IPCEF1: variants seen among roughly 807,000 people sequenced by gnomAD.
IPCEF1 encodes the protein interactor protein for cytohesin exchange factors 1.
IPCEF1 carries 31 observed loss-of-function variants against 50.9 expected under a neutral mutation model. The ratio of observed to expected loss-of-function variants is 0.61; its 90% CI spans 0.46 to 0.82. The LOEUF (loss-of-function observed/expected upper bound fraction) is 0.82. Ranked by LOEUF, IPCEF1 falls within the 40% of genes least tolerant of loss-of-function variation. IPCEF1 has a pLI of 0.00. For synonymous variants in IPCEF1, 181 were observed against 192.0 expected, an observed-to-expected ratio of 0.94 and a Z score of 0.47; for missense variants, 458 against 514.0, an observed-to-expected ratio of 0.89 and a Z score of 1.05.
intron 2 of IPCEF1, among the ~76,000 whole-genome samples, chr6:154,285,831 C>CG (rs1332763462): frequency 6.6e-6 from 1 of 152,114 alleles, no homozygotes; most frequent in African/African-American, 2.4e-5. Flanking sequence ...AGACCTGGCC[C>CG]CACACGTTTC....
intron 10 of IPCEF1, among the ~76,000 whole-genome samples, chr6:154,171,734 G>T (rs1287740244): frequency 6.6e-6 from 1 of 152,216 alleles, no homozygotes; most frequent in African/African-American, 2.4e-5. Flanking sequence ...GGTCAAGCTG[G>T]AGACACTGGA....
chr6:154,207,848 A>G (rs749781508), intron 9 of IPCEF1, among the ~76,000 whole-genome samples: 1 of 152,250 alleles, frequency 6.6e-6, no homozygotes, highest in Non-Finnish European at 1.5e-5. Context: ...ATAAGCTTCT[A>G]GAAGCTGGAA....
chr6:154,188,340 T>C (rs1450115614), intron 10 of IPCEF1, among the ~76,000 whole-genome samples: 1 of 152,232 alleles, frequency 6.6e-6, no homozygotes, highest in African/African-American at 2.4e-5. Flanking sequence ...AAATTTATTA[T>C]AAGATGTAAG....
intron 3 of IPCEF1, among the ~76,000 whole-genome samples, chr6:154,261,038 C>T (rs191772625): frequency 1.2e-4 from 18 of 152,074 alleles, no homozygotes; most frequent in East Asian, 1.2e-3. Flanking sequence ...ATTCTAAAGG[C>T]GTGTGTGTGC....
rs1207202863 is a variant in IPCEF1 at position 154,300,056 on chromosome 6, G to T, written c.-61-10300C>A. Among the ~76,000 whole-genome samples, 4 of 140,874 alleles carry T rather than the reference G, an allele frequency of 2.8e-5. 1 individual carries two copies. Among genetic ancestry groups the T allele is most frequent in the Non-Finnish European group, 4.8e-5 (3 of 62,884 alleles). 92.4% of individuals were successfully genotyped at this position (140,874 alleles called of 152,430 possible). On this transcript the variant is annotated intron_variant, in intron 1 of 11. Coordinates refer to ENST00000367220, the MANE Select transcript of IPCEF1 (RefSeq NM_001130700.2). ...TCACCAGTCATTTTCCAAGCCCCAT[G>T]CATGGAGGAAGCATTTCTCCCATGA... is the stretch of plus-strand genomic sequence containing the variant.
intron 11 of IPCEF1, 115 bp downstream of exon 11, chr6:154,167,805 C>T (rs1164615797): frequency 4.0e-5 from 29 of 725,888 alleles, no homozygotes; most frequent in Non-Finnish European, 5.5e-5. Flanking sequence ...TTTACTTTTA[C>T]AGCCCTTCCC....
chr6:154,289,390 TC>T (rs144532955), intron 2 of IPCEF1, among the ~76,000 whole-genome samples: 26,414 of 150,556 alleles, frequency 0.18, 2,590 homozygotes, highest in African/African-American at 0.26. Context: ...TAAAATAGAC[TC>T]TTCACATAAT....
At chr6:154,175,400 A>G (rs1218062528) in intron 10 of IPCEF1, among the ~76,000 whole-genome samples, 1 of 145,400 alleles carries the variant, frequency 6.9e-6, no homozygotes, top group Non-Finnish European at 1.5e-5. Context: ...TTTTTTTTTG[A>G]AAAGATCAAC....
rs778728049 is a variant in IPCEF1, at chr6:154,168,319, G to A, written c.911-206C>T. Among the ~76,000 whole-genome samples, 12 of 152,138 alleles carry A rather than the reference G, an allele frequency of 7.9e-5. No homozygotes were observed. Among genetic ancestry groups the A allele is most frequent in the Non-Finnish European group, 1.8e-4 (12 of 68,018 alleles). ...CTGCAGAGCCACGTTCCCTGTGAAG[G>A]CACCAGGGAAGGAGTTATTCCAAGC... On this transcript the variant is annotated intron_variant, in intron 10 of 11. Transcript: ENST00000367220. The surrounding 1 kb of genome is among the most constrained non-coding windows in gnomAD (Gnocchi z 4.1).
intron 1 of IPCEF1, among the ~76,000 whole-genome samples, chr6:154,345,438 G>A (rs1006738469): frequency 1.3e-5 from 2 of 152,070 alleles, no homozygotes; most frequent in Non-Finnish European, 1.5e-5. Context: ...ATCACATGGC[G>A]ATCAGAGCCC....
intron 2 of IPCEF1, among the ~76,000 whole-genome samples, chr6:154,272,506 TAGCC>T (rs1474366442): frequency 6.6e-6 from 1 of 152,222 alleles, no homozygotes; most frequent in Non-Finnish European, 1.5e-5. Flanking sequence ...ACATGAAACA[TAGCC>T]AAACCAATGA....
chr6:154,291,601 A>G (rs966041044), intron 1 of IPCEF1, among the ~76,000 whole-genome samples: 2 of 149,274 alleles, frequency 1.3e-5, no homozygotes, highest in Non-Finnish European at 1.5e-5. Context: ...AAGATGGTTC[A>G]CCCCTATATA....
intron 2 of IPCEF1, among the ~76,000 whole-genome samples, chr6:154,275,757 T>C (rs1286656410): frequency 6.6e-6 from 1 of 151,950 alleles, no homozygotes; most frequent in Non-Finnish European, 1.5e-5. Context: ...ACTCTGCAAC[T>C]GGACATTCAC....
At chr6:154,337,552 G>A (rs999797930) in intron 1 of IPCEF1, among the ~76,000 whole-genome samples, 10 of 152,198 alleles carry the variant, frequency 6.6e-5, no homozygotes, top group African/African-American at 2.4e-4. Flanking sequence ...TAGGCAAAGA[G>A]GCCAGGCCTC....
chr6:154,257,788 T>G (rs1781498252), intron 3 of IPCEF1, among the ~76,000 whole-genome samples: 1 of 152,134 alleles, frequency 6.6e-6, no homozygotes, highest in Non-Finnish European at 1.5e-5. Flanking sequence ...CAATCTCAAC[T>G]TCCCAGGCTC....
chr6:154,162,116 T>G (rs1354470158), intron 11 of IPCEF1, among the ~76,000 whole-genome samples: 1 of 152,218 alleles, frequency 6.6e-6, no homozygotes, highest in Non-Finnish European at 1.5e-5. Context: ...TTCACAGAGA[T>G]GGAGCATCTG....
intron 1 of IPCEF1, among the ~76,000 whole-genome samples, chr6:154,353,941 A>T (rs1784160659): frequency 6.6e-6 from 1 of 152,206 alleles, no homozygotes; most frequent in African/African-American, 2.4e-5. Context: ...TAAATTAATG[A>T]TTCTTTTAAA....
intron 1 of IPCEF1, among the ~76,000 whole-genome samples, chr6:154,318,569 T>G (rs1783286516): frequency 6.6e-6 from 1 of 151,994 alleles, no homozygotes; most frequent in Non-Finnish European, 1.5e-5. Context: ...TGTATTTTCT[T>G]GGCCGGGTGT....
chr6:154,275,777 G>C (rs1447602869), intron 2 of IPCEF1, among the ~76,000 whole-genome samples: 1 of 151,988 alleles, frequency 6.6e-6, no homozygotes, highest in Non-Finnish European at 1.5e-5. Context: ...CTGGCTAGAA[G>C]GCAGCCAAGA....
Sources: allele counts gnomAD v4.1 joint callset (sites outside exome capture counted in the v4.1 genomes callset), GRCh38; gene constraint gnomAD v4.1.1; non-coding constraint Gnocchi (gnomAD v3.1); transcripts MANE v1.5; gene names NCBI Gene and HGNC (gene_info 2026-07-23, HGNC 2026-07-21).